Variants in GCDH observed in about 807,000 individuals in gnomAD.
GCDH encodes glutaryl-CoA dehydrogenase, mitochondrial.
A neutral mutation model predicts 52.8 loss-of-function variants in GCDH; 31 were observed. The observed-to-expected ratio is 0.59, with a 90% CI of 0.44 to 0.79. The LOEUF is 0.79. GCDH is among the 30% of genes least tolerant of loss of function. The pLI, the probability that GCDH is intolerant of heterozygous loss-of-function variation, is 0.00. For missense variants in GCDH, 509 were observed against 595.0 expected (o/e 0.86, Z 1.50); for synonymous variants, 242 against 250.0 (o/e 0.97, Z 0.30).
At chr19:12,893,274 C>T (rs570377216) in intron 5 of GCDH, among the ~76,000 whole-genome samples, 1 of 152,192 alleles carries the variant, frequency 6.6e-6, no homozygotes, top group Non-Finnish European at 1.5e-5. Context: ...AAGCCCCCTT[C>T]TTTCCCTAAG....
chr19:12,897,310 T>C lies in GCDH; in HGVS notation c.964T>C (p.Phe322Leu), dbSNP rs1970706385. Residue 322 changes from phenylalanine (F) to leucine (L), a missense_variant, in exon 10 of 12, where the codon TTT becomes CTT. By Grantham distance (22) the Phe-to-Leu change is conservative. Transcript: ENST00000222214. ...CTGCCATTGCCCATGTAGGATGCAG[T>C]TTGGTGTCCCACTGGCCAGGAACCA... ...ARQYALDRMQ[F>L]GVPLARNQLI... is the part of the protein sequence containing the mutation. 1.2e-6 allele frequency: 2 copies of C among 1,613,540 alleles called. No homozygotes were observed. Among genetic ancestry groups the C allele is most frequent in the Non-Finnish European group, 8.5e-7 (1 of 1,179,952 alleles).
Position 12,893,497 on chromosome 19 carries a change from G to A in GCDH, c.349G>A (p.Gly117Arg). ...ACTACCACCAGGATATGGCTGTGCT[G>A]GGGTTTCGTCTGTGGCCTATGGGCT... ...GPTIKGYGCA[G>R]VSSVAYGLLA... The change falls in exon 6 of 12, where the codon GGG becomes AGG. Residue 117 changes from glycine (G) to arginine (R), a missense_variant. Transcript: ENST00000222214. The A allele has an allele frequency of 6.2e-7, 1 of 1,614,040 alleles. No homozygotes were observed. The highest frequency in any genetic ancestry group is 8.5e-7 in the Non-Finnish European group (1 of 1,179,900).
intron 4 of GCDH, 33 bp downstream of exon 4, chr19:12,892,007 C>T (rs749075811): frequency 5.6e-6 from 9 of 1,614,058 alleles, no homozygotes; most frequent in Non-Finnish European, 1.7e-6. Context: ...TGAGACTGCT[C>T]CTCCGCCTGG....
Position 12,899,972 on chromosome 19 carries a change from C to T in GCDH, c.*431C>T, listed in dbSNP as rs1240903170. On this transcript the variant is annotated 3_prime_UTR_variant, in exon 12 of 12. Transcript: ENST00000222214. ...AAAATAAAGACCTGCACATCTGACCCCAAGGTGTCAGGCCGGTTTACTGGT... is the reference window on the plus strand; with the variant it reads ...AAAATAAAGACCTGCACATCTGACCTCAAGGTGTCAGGCCGGTTTACTGGT... The T allele has an allele frequency of 2.5e-6, 4 of 1,612,726 alleles. No individual in the cohort carries two copies. In the Admixed American group the frequency reaches 6.7e-5, roughly 27 times the overall value.
In GCDH at chr19:12,891,538, C is replaced by A. The variant is rs578242746; in HGVS notation, c.127+16C>A. ...CTGGCTAAGTGTAAGGACCTCTGGT[C>A]GCACCGTGTGTCTGCTGCCCCTGTT... On this transcript the variant is annotated intron_variant, in intron 3 of 11. Coordinates refer to ENST00000222214, the MANE Select transcript of GCDH (RefSeq NM_000159.4). 8 of 1,614,116 alleles carry A rather than the reference C, an allele frequency of 5.0e-6. No homozygotes were observed. The highest frequency in any genetic ancestry group is 6.8e-6 in the Non-Finnish European group (8 of 1,179,994).
At chr19:12,894,395 G>C in intron 6 of GCDH, 1 of 754,768 alleles carries the variant, frequency 1.3e-6, no homozygotes, top group South Asian at 1.4e-5. Flanking sequence ...AGACCAAGGA[G>C]AACTGGAGAA....
At chr19:12,895,374 C>T (rs1332708624) in intron 6 of GCDH, among the ~76,000 whole-genome samples, 1 of 151,970 alleles carries the variant, frequency 6.6e-6, no homozygotes, top group Non-Finnish European at 1.5e-5. Flanking sequence ...ATTCCTGTGC[C>T]TCGGCCTCCC....
At position 12,897,836 on chromosome 19, in the gene GCDH, A is replaced by G; in HGVS notation, c.1216A>G (p.Asn406Asp). The G allele has an allele frequency of 2.5e-6, 4 of 1,613,948 alleles. No homozygotes were observed. The highest frequency in any genetic ancestry group is 3.4e-6 in the Non-Finnish European group (4 of 1,179,944). ...GTATCACGTGATCCGGCACGCCATGAACCTGGAGGCCGTGAACACCTACGA... is the reference window on the plus strand; with the variant it reads ...GTATCACGTGATCCGGCACGCCATGGACCTGGAGGCCGTGAACACCTACGA... ...DEYHVIRHAM[N>D]LEAVNTYEGT... Residue 406 changes from asparagine (N) to aspartate (D), a missense_variant, in exon 11 of 12, where the codon AAC becomes GAC. By Grantham distance (23) the Asn-to-Asp change is conservative. Coordinates refer to ENST00000222214, the MANE Select transcript of GCDH (RefSeq NM_000159.4).
At position 12,891,381 on chromosome 19, in the gene GCDH, C is replaced by T. The variant is rs966089056; in HGVS notation, c.77C>T (p.Ser26Leu). The T allele has an allele frequency of 6.2e-7, 1 of 1,614,054 alleles. No individual in the cohort carries two copies. ...GLHVLRTWVSSAAQTEKGGRT... is the reference protein window; with the variant it reads ...GLHVLRTWVSLAAQTEKGGRT... ...CACGTCCTTCGCACGTGGGTCTCGT[C>T]GGCGGCGCAGACCGGTCAGTGTGGG... The change falls in exon 2 of 12, where the codon TCG becomes TTG. Residue 26 changes from serine to leucine, a missense_variant. Transcript: ENST00000222214.
At chr19:12,894,366 TA>T (rs1970626162) in intron 6 of GCDH, 4 of 763,172 alleles carry the variant, frequency 5.2e-6, no homozygotes, top group Non-Finnish European at 9.7e-6. Context: ...TGCTACTGAG[TA>T]AGGGGCATTC....
At chr19:12,899,274 G>T in intron 11 of GCDH, 194 bp from the exon 12 acceptor site, 1 of 1,381,244 alleles carries the variant, frequency 7.2e-7, no homozygotes, top group Non-Finnish European at 1.0e-6. Context: ...TCTCAGTGTG[G>T]CCCAAATGGT....
intron 6 of GCDH, chr19:12,894,404 AAAGAAAGAGAAGATCAG>A: frequency 1.3e-6 from 1 of 752,698 alleles, no homozygotes; most frequent in Non-Finnish European, 2.5e-6. Flanking sequence ...AGAACTGGAG[AAAGAAAGAGAAGATCAG>A]TTCATGGTTG....
chr19:12,895,165 C>T (rs1970645547), intron 6 of GCDH, among the ~76,000 whole-genome samples: 1 of 152,216 alleles, frequency 6.6e-6, no homozygotes, highest in Non-Finnish European at 1.5e-5. Flanking sequence ...CCCTCCCCAT[C>T]TTGGCATTGT....
In GCDH at chr19:12,893,472, A is replaced by G; in HGVS notation, c.335-11A>G. ...CTCTATTGTCCTGCTTTCCCCTCCT[A>G]CTACCACCAGGATATGGCTGTGCTG... On this transcript the variant is annotated splice_polypyrimidine_tract_variant and intron_variant, in intron 5 of 11. Coordinates refer to ENST00000222214, the MANE Select transcript of GCDH (RefSeq NM_000159.4). 2 of 1,612,254 alleles carry G rather than the reference A, an allele frequency of 1.2e-6. No individual in the cohort carries two copies. Among genetic ancestry groups the G allele is most frequent in the Non-Finnish European group, 1.7e-6 (2 of 1,178,582 alleles).
chr19:12,897,768 G>A lies in GCDH; in HGVS notation c.1148G>A (p.Arg383His), dbSNP rs764608975. ...NNCGKALDIARQARDMLGGNG... is the reference protein window; with the variant it reads ...NNCGKALDIAHQARDMLGGNG... ...TGTGGGAAAGCCCTGGACATCGCCC[G>A]CCAGGCCCGAGACATGCTGGGGGGG... The change falls in exon 11 of 12, where the codon CGC becomes CAC. Residue 383 changes from arginine (R) to histidine (H), a missense_variant. By Grantham distance (29) the Arg-to-His change is conservative (BLOSUM62 0). Transcript: ENST00000222214. 5.0e-6 allele frequency: 8 copies of A among 1,613,864 alleles called. No homozygotes were observed. The African/African-American group carries it at 6.7e-5, about 13-fold the overall frequency.
chr19:12,893,982 C>G (rs1482479740), intron 6 of GCDH: 1 of 581,776 alleles, frequency 1.7e-6, no homozygotes, highest in Admixed American at 3.0e-5. Flanking sequence ...GAGAAGATCC[C>G]TTGAGCCCAA....
intron 6 of GCDH, chr19:12,894,126 C>T: frequency 1.5e-6 from 2 of 1,367,960 alleles, no homozygotes; most frequent in South Asian, 1.2e-5. Flanking sequence ...TGTTCAGCTG[C>T]TTCAAGATGA....
intron 6 of GCDH, among the ~76,000 whole-genome samples, chr19:12,895,570 G>T (rs555227673): frequency 2.5e-4 from 38 of 151,682 alleles, no homozygotes; most frequent in African/African-American, 8.9e-4. Context: ...CTAATTTTTT[G>T]TATTTTTAGT....
chr19:12,897,978 T>A, intron 11 of GCDH, 115 bp downstream of exon 11: 1 of 894,956 alleles, frequency 1.1e-6, no homozygotes, highest in South Asian at 1.4e-5. Flanking sequence ...AGTGACAGTG[T>A]GACCTGGGGC....
Sources: gnomAD v4.1 joint callset for allele counts (sites outside exome capture counted in the v4.1 genomes callset) on GRCh38, gnomAD v4.1.1 for gene constraint, MANE v1.5 for transcripts, NCBI Gene and HGNC (gene_info 2026-07-23, HGNC 2026-07-21) for gene names.